The following GPR39 variants were observed in gnomAD, a reference collection of about 807,000 sequenced individuals.
GPR39 encodes the protein zinc sensing receptor.
Under a neutral mutation model 18.4 loss-of-function variants are expected in GPR39, and 23 were observed. The ratio of observed to expected loss-of-function variants is 1.25; its 90% CI spans 0.90 to 1.77. The LOEUF (loss-of-function observed/expected upper bound fraction) is 1.77, where lower values mean the gene tolerates loss of function less well. Ranked by LOEUF, GPR39 falls within the 40% of genes most tolerant of loss-of-function variation. The pLI, the probability that GPR39 is intolerant of heterozygous loss-of-function variation, is 0.00. For missense variants in GPR39, 647 were observed against 602.4 expected, an observed-to-expected ratio of 1.07 and a Z score of -0.78; for synonymous variants, 280 against 257.9, an observed-to-expected ratio of 1.09 and a Z score of -0.82.
intron 1 of GPR39, among the ~76,000 whole-genome samples, chr2:132,520,651 G>T (rs1260777909): frequency 6.6e-6 from 1 of 152,232 alleles, no homozygotes; most frequent in Non-Finnish European, 1.5e-5. Context: ...TATTGCTTTG[G>T]TTCAGTTAGA....
chr2:132,531,340 C>T (rs1679626806), intron 1 of GPR39, among the ~76,000 whole-genome samples: 1 of 152,188 alleles, frequency 6.6e-6, no homozygotes, highest in African/African-American at 2.4e-5. Flanking sequence ...ACAGGAGCAT[C>T]CAGATTCATA....
At chr2:132,501,329 G>T (rs1002012675) in intron 1 of GPR39, among the ~76,000 whole-genome samples, 1 of 151,932 alleles carries the variant, frequency 6.6e-6, no homozygotes, top group African/African-American at 2.4e-5. Flanking sequence ...TGATTTCATT[G>T]TTGACCCAAT....
intron 1 of GPR39, among the ~76,000 whole-genome samples, chr2:132,545,054 T>C (rs1209175083): frequency 6.6e-6 from 1 of 152,238 alleles, no homozygotes; most frequent in Non-Finnish European, 1.5e-5. Context: ...TGTGGATTTA[T>C]CCGAGACTTG....
At chr2:132,521,673 C>T (rs915614364) in intron 1 of GPR39, among the ~76,000 whole-genome samples, 6 of 145,252 alleles carry the variant, frequency 4.1e-5, no homozygotes, top group African/African-American at 1.3e-4. Flanking sequence ...TGCCTCTCCT[C>T]CATCTCCGGG....
chr2:132,616,994 TA>T (rs1367776724), intron 1 of GPR39, among the ~76,000 whole-genome samples: 9 of 152,202 alleles, frequency 5.9e-5, no homozygotes, highest in Admixed American at 4.6e-4. Context: ...GAGACATTTT[TA>T]AAAAATTTTT....
chr2:132,459,694 A>G (rs1256684291), intron 1 of GPR39, among the ~76,000 whole-genome samples: 1 of 152,198 alleles, frequency 6.6e-6, no homozygotes, highest in Non-Finnish European at 1.5e-5. Context: ...TTCTTATTGA[A>G]TTAGATAGCT....
At chr2:132,547,771 C>T (rs568391926) in intron 1 of GPR39, among the ~76,000 whole-genome samples, 4 of 152,134 alleles carry the variant, frequency 2.6e-5, no homozygotes, top group Admixed American at 2.6e-4. Flanking sequence ...AAAGAGGCTC[C>T]AAAAATATAA....
At position 132,472,806 on chromosome 2, in the gene GPR39, G is replaced by A. The variant is rs73001212; in HGVS notation, c.856+54908G>A. On this transcript the variant is annotated intron_variant, in intron 1 of 1. Coordinates refer to ENST00000329321, the MANE Select transcript of GPR39 (RefSeq NM_001508.3). ...TGGTGGATATAGTATTACTTAGCTT[G>A]TAATGGAGGTCATACAGTCTAGTGT... 2.5e-3 allele frequency among the ~76,000 whole-genome samples: 373 copies of A among 152,232 alleles called. 4 individuals carry two copies. The highest frequency in any genetic ancestry group is 8.5e-3 in the African/African-American group (354 of 41,536).
chr2:132,547,297 G>A (rs1281319747), intron 1 of GPR39, among the ~76,000 whole-genome samples: 2 of 152,172 alleles, frequency 1.3e-5, no homozygotes, highest in Admixed American at 6.5e-5. Context: ...GCAGGGGGCA[G>A]CAATGCACGT....
rs781714098 is a variant in GPR39 at position 132,645,346 on chromosome 2, G to A, written c.1102G>A (p.Ala368Thr). ...VLCCRLSLQH[A>T]NHEKRLRVHA... Reference sequence around the variant, plus strand: ...GTGCTGCCGCCTGTCGCTGCAGCACGCCAACCACGAGAAGCGCCTGCGCGT... The same window carrying A: ...GTGCTGCCGCCTGTCGCTGCAGCACACCAACCACGAGAAGCGCCTGCGCGT... Residue 368 changes from alanine to threonine, a missense_variant, in exon 2 of 2, where the codon GCC (alanine) becomes ACC (threonine). Physicochemically the swap from Ala to Thr is moderately conservative, Grantham distance 58. Coordinates refer to ENST00000329321, the MANE Select transcript of GPR39 (RefSeq NM_001508.3). 11 of 1,613,982 alleles carry A rather than the reference G, an allele frequency of 6.8e-6. No individual in the cohort carries two copies. The African/African-American group carries it at 8.0e-5, about 12-fold the overall frequency.
At chr2:132,459,421 G>T (rs1472524716) in intron 1 of GPR39, among the ~76,000 whole-genome samples, 2 of 152,138 alleles carry the variant, frequency 1.3e-5, no homozygotes, top group Non-Finnish European at 2.9e-5. Context: ...TCCAAGTGAG[G>T]CCAGATTCCT....
At chr2:132,584,270 G>A (rs879796940) in intron 1 of GPR39, among the ~76,000 whole-genome samples, 3 of 152,180 alleles carry the variant, frequency 2.0e-5, no homozygotes, top group Non-Finnish European at 2.9e-5. Context: ...CAATGTATGC[G>A]TGAAGTCTTA....
chr2:132,617,283 G>A (rs1195274976), intron 1 of GPR39, among the ~76,000 whole-genome samples: 1 of 151,822 alleles, frequency 6.6e-6, no homozygotes, highest in Non-Finnish European at 1.5e-5. Flanking sequence ...GGAGTTCCTG[G>A]GGCAAATAAT....
chr2:132,542,552 AG>A (rs1679880493), intron 1 of GPR39, among the ~76,000 whole-genome samples: 1 of 152,336 alleles, frequency 6.6e-6, no homozygotes, highest in Admixed American at 6.5e-5. Context: ...TAGACCTGGA[AG>A]GGGAAGGAGG....
intron 1 of GPR39, among the ~76,000 whole-genome samples, chr2:132,443,246 C>A (rs1680472268): frequency 6.6e-6 from 1 of 152,052 alleles, no homozygotes; most frequent in Admixed American, 6.5e-5. Flanking sequence ...TTTTGTGAAA[C>A]AAATATATAA....
chr2:132,452,515 A>G (rs1680647590), intron 1 of GPR39, among the ~76,000 whole-genome samples: 1 of 151,972 alleles, frequency 6.6e-6, no homozygotes, highest in African/African-American at 2.4e-5. Flanking sequence ...TCTAGGGTAC[A>G]TGTGCACAGC....
intron 1 of GPR39, among the ~76,000 whole-genome samples, chr2:132,559,040 A>G (rs1680201975): frequency 6.6e-6 from 1 of 152,252 alleles, no homozygotes; most frequent in South Asian, 2.1e-4. Context: ...GAAAAAGGTC[A>G]TAGATAGTTG....
rs1485158536 is a variant in GPR39, at chr2:132,417,461, C to T, written c.419C>T (p.Pro140Leu). 1.2e-6 allele frequency: 2 copies of T among 1,614,064 alleles called. No homozygotes were observed. The highest frequency in any genetic ancestry group is 1.3e-5 in the African/African-American group (1 of 74,932). Residue 140 changes from proline (P) to leucine (L), a missense_variant, in exon 1 of 2, where the codon CCC becomes CTC. This residue lies in a region of GPR39 where 581 missense variants were observed against 506.8 expected (regional missense o/e 1.15). Coordinates refer to ENST00000329321, the MANE Select transcript of GPR39 (RefSeq NM_001508.3). ...GAGCGCTACATCGCCATCTGTCACC[C>T]CTTCAGGTACAAGGCTGTGTCGGGA... is the stretch of plus-strand genomic sequence containing the variant. ...SFERYIAICH[P>L]FRYKAVSGPC...
intron 1 of GPR39, among the ~76,000 whole-genome samples, chr2:132,461,113 T>C (rs1680822505): frequency 6.6e-6 from 1 of 152,214 alleles, no homozygotes; most frequent in Non-Finnish European, 1.5e-5. Context: ...TGGTAATGCT[T>C]GCCCTAGAAT....
Sources: allele counts gnomAD v4.1 joint callset (sites outside exome capture counted in the v4.1 genomes callset), GRCh38; gene constraint gnomAD v4.1.1; regional missense constraint gnomAD v4.1.1; transcripts MANE v1.5; gene names NCBI Gene and HGNC (gene_info 2026-07-23, HGNC 2026-07-21).